The following MGAT4C variants were observed in gnomAD, a reference collection of about 807,000 sequenced individuals.
MGAT4C encodes the protein alpha-1,3-mannosyl-glycoprotein 4-beta-N-acetylglucosaminyltransferase C.
Under a neutral mutation model 40.1 loss-of-function variants are expected in MGAT4C, and 19 were observed. The observed-to-expected ratio is 0.47, with a 90% confidence interval of 0.33 to 0.70. The LOEUF is 0.70. Ranked by LOEUF, MGAT4C falls within the 30% of genes least tolerant of loss-of-function variation. The probability of loss-of-function intolerance (pLI) is 0.02; values close to 1 mark genes in which losing one functional copy is unlikely to be tolerated. For missense variants in MGAT4C, 491 were observed against 563.2 expected (o/e 0.87, Z 1.30); for synonymous variants, 181 against 187.1 (o/e 0.97, Z 0.27).
chr12:86,003,919 T>G (rs1342592160), intron 2 of MGAT4C, among the ~76,000 whole-genome samples: 2 of 152,168 alleles, frequency 1.3e-5, no homozygotes, highest in African/African-American at 4.8e-5. Context: ...ATTTTGTGTC[T>G]TATCAAGACA....
intron 3 of MGAT4C, among the ~76,000 whole-genome samples, chr12:86,370,261 T>C (rs1459766498): frequency 6.6e-6 from 1 of 151,872 alleles, no homozygotes; most frequent in Non-Finnish European, 1.5e-5. Context: ...AATGGAAAAA[T>C]AGAGTATTTT....
intron 3 of MGAT4C, among the ~76,000 whole-genome samples, chr12:86,396,448 T>C (rs1956264903): frequency 6.6e-6 from 1 of 152,164 alleles, no homozygotes; most frequent in Non-Finnish European, 1.5e-5. Context: ...TGCTCACACA[T>C]CTCTAGGCAA....
intron 1 of MGAT4C, among the ~76,000 whole-genome samples, chr12:86,059,107 T>A (rs1893681802): frequency 1.3e-5 from 2 of 152,198 alleles, no homozygotes; most frequent in Admixed American, 1.3e-4. Context: ...TTCAGTGGCA[T>A]GATTTCAGCT....
At chr12:86,009,388 C>T (rs924856037) in intron 2 of MGAT4C, among the ~76,000 whole-genome samples, 1 of 152,174 alleles carries the variant, frequency 6.6e-6, no homozygotes, top group African/African-American at 2.4e-5. Flanking sequence ...CTCTCTCTCT[C>T]CCTCCCTGCA....
At chr12:86,164,956 G>T (rs980594207) in intron 1 of MGAT4C, among the ~76,000 whole-genome samples, 1 of 152,076 alleles carries the variant, frequency 6.6e-6, no homozygotes, top group Non-Finnish European at 1.5e-5. Context: ...ATTCATTTAG[G>T]CTAAAATGTA....
At chr12:86,435,492 T>C (rs759852342) in intron 2 of MGAT4C, among the ~76,000 whole-genome samples, 1 of 151,896 alleles carries the variant, frequency 6.6e-6, no homozygotes, top group Non-Finnish European at 1.5e-5. Context: ...TTACCATGTC[T>C]GAAAGTGTGG....
At chr12:86,311,980 A>G (rs1954089771) in intron 4 of MGAT4C, among the ~76,000 whole-genome samples, 1 of 152,132 alleles carries the variant, frequency 6.6e-6, no homozygotes, top group Non-Finnish European at 1.5e-5. Context: ...AGGCCCCATG[A>G]TTGAGGGGTC....
At position 86,086,136 on chromosome 12, in the gene MGAT4C, A is replaced by G. The variant is rs546422673; in HGVS notation, c.-56-36413T>C. Reference sequence around the variant, plus strand: ...TTCACAATAGCAAAGACTTGGACCCAACCCAAATGCCCATCAATGTTAGAC... The same window carrying G: ...TTCACAATAGCAAAGACTTGGACCCGACCCAAATGCCCATCAATGTTAGAC... On this transcript the variant is annotated intron_variant, in intron 1 of 4. Transcript: ENST00000611864. Among the ~76,000 whole-genome samples, 28 of 152,332 alleles carry G rather than the reference A, an allele frequency of 1.8e-4. No individual in the cohort carries two copies. The South Asian group carries it at 5.0e-3, about 27-fold the overall frequency.
chr12:86,281,763 G>A (rs1406713544), intron 4 of MGAT4C, among the ~76,000 whole-genome samples: 2 of 152,030 alleles, frequency 1.3e-5, no homozygotes, highest in Non-Finnish European at 2.9e-5. Context: ...TTATCATGCA[G>A]TACTGTTTGT....
intron 1 of MGAT4C, among the ~76,000 whole-genome samples, chr12:86,233,553 G>A (rs1002462975): frequency 2.6e-5 from 4 of 152,080 alleles, no homozygotes; most frequent in African/African-American, 7.2e-5. Flanking sequence ...TATTTTGTTG[G>A]TGAATTCCAG....
At chr12:86,092,894 T>C (rs1413113737) in intron 1 of MGAT4C, among the ~76,000 whole-genome samples, 4 of 152,068 alleles carry the variant, frequency 2.6e-5, no homozygotes, top group African/African-American at 9.7e-5. Context: ...CTAAGGTACA[T>C]GTGCAGAACG....
At chr12:86,027,464 T>G (rs1484765258) in intron 2 of MGAT4C, among the ~76,000 whole-genome samples, 2 of 151,976 alleles carry the variant, frequency 1.3e-5, no homozygotes, top group African/African-American at 2.4e-5. Context: ...TAGTATGATG[T>G]ACTATATTTC....
intron 3 of MGAT4C, among the ~76,000 whole-genome samples, chr12:86,334,557 T>G (rs1954743058): frequency 6.6e-6 from 1 of 152,126 alleles, no homozygotes; most frequent in South Asian, 2.1e-4. Flanking sequence ...CCCTAAATGT[T>G]TAAGAAATAA....
At chr12:86,598,328 A>G (rs753899624) in intron 2 of MGAT4C, among the ~76,000 whole-genome samples, 2 of 152,124 alleles carry the variant, frequency 1.3e-5, no homozygotes, top group Non-Finnish European at 2.9e-5. Flanking sequence ...CCTTTCATTG[A>G]AAAATAAAGA....
chr12:86,364,542 A>G (rs1592747282), intron 3 of MGAT4C, among the ~76,000 whole-genome samples: 1 of 152,154 alleles, frequency 6.6e-6, no homozygotes, highest in South Asian at 2.1e-4. Flanking sequence ...AGCACCATTT[A>G]TTGAATAGGG....
At chr12:86,041,096 GT>G (rs1434647085) in intron 2 of MGAT4C, among the ~76,000 whole-genome samples, 2 of 151,824 alleles carry the variant, frequency 1.3e-5, no homozygotes, top group African/African-American at 4.8e-5. Context: ...AATCTGGCTG[GT>G]TGCTGCAGAC....
chr12:86,231,056 C>A (rs548443984), intron 1 of MGAT4C, among the ~76,000 whole-genome samples: 7 of 152,120 alleles, frequency 4.6e-5, no homozygotes, highest in African/African-American at 1.4e-4. Flanking sequence ...AAAACCCTGA[C>A]GAAAAATTTA....
At chr12:86,560,851 T>C (rs535515573) in intron 2 of MGAT4C, among the ~76,000 whole-genome samples, 1 of 152,194 alleles carries the variant, frequency 6.6e-6, no homozygotes, top group African/African-American at 2.4e-5. Flanking sequence ...GGAAGTAAAA[T>C]TGTACTTCTT....
At chr12:86,308,025 T>A (rs1378435095) in intron 4 of MGAT4C, among the ~76,000 whole-genome samples, 1 of 150,650 alleles carries the variant, frequency 6.6e-6, no homozygotes, top group Admixed American at 6.6e-5. Flanking sequence ...TTTTTTTGTA[T>A]TATTTTTGTA....
Sources: allele counts gnomAD v4.1 joint callset (sites outside exome capture counted in the v4.1 genomes callset), GRCh38; gene constraint gnomAD v4.1.1; transcripts MANE v1.5; gene names NCBI Gene and HGNC (gene_info 2026-07-23, HGNC 2026-07-21).